The following CFAP47 variants were observed in gnomAD, a reference collection of about 807,000 sequenced individuals.
CFAP47 encodes cilia- and flagella-associated protein 47.
CFAP47 carries 29 observed loss-of-function variants against 148.1 expected under a neutral mutation model. That is an observed-to-expected ratio of 0.20 (90% CI 0.15 to 0.27). The LOEUF is 0.27. Among genes scored for constraint, CFAP47 ranks in the 10% least tolerant of loss-of-function variants. The pLI is 1.00. For missense variants in CFAP47, 1,872 were observed against 1,697.5 expected, an observed-to-expected ratio of 1.10 and a Z score of -1.81; for synonymous variants, 664 against 577.3, an observed-to-expected ratio of 1.15 and a Z score of -2.15.
chrX:35,954,346 T>A (rs1461983031), intron 7 of CFAP47, among the ~76,000 whole-genome samples: 1 of 111,016 alleles, frequency 9.0e-6, no homozygotes, highest in East Asian at 2.8e-4. Flanking sequence ...AGGAATCAAA[T>A]CCAGGAAAAT....
intron 2 of CFAP47, among the ~76,000 whole-genome samples, chrX:35,940,805 A>T (rs915976211): frequency 9.0e-5 from 10 of 111,667 alleles, no homozygotes; most frequent in Non-Finnish European, 1.9e-4. Context: ...ATGTAACCTT[A>T]TATGGTTTGT....
intron 59 of CFAP47, among the ~76,000 whole-genome samples, chrX:36,352,301 TC>T (rs1941748957): frequency 1.8e-5 from 2 of 111,498 alleles, no homozygotes; most frequent in Admixed American, 1.9e-4. Flanking sequence ...GTACAGTTTT[TC>T]CTAGCCATTT....
At chrX:35,951,713 T>C in intron 5 of CFAP47, 90 bp from the exon 6 acceptor site, 1 of 919,337 alleles carries the variant, frequency 1.1e-6, no homozygotes, top group Non-Finnish European at 1.4e-6. Context: ...TTTCCTAGAT[T>C]CTGGAATTTC....
chrX:35,926,404 A>G (rs1356848699), intron 2 of CFAP47, among the ~76,000 whole-genome samples: 1 of 112,211 alleles, frequency 8.9e-6, no homozygotes, highest in Non-Finnish European at 1.9e-5. Flanking sequence ...GCAAACTTGT[A>G]TTCACATTTT....
intron 46 of CFAP47, among the ~76,000 whole-genome samples, chrX:36,235,055 G>A (rs1419764061): frequency 1.8e-5 from 2 of 111,497 alleles, no homozygotes; most frequent in Admixed American, 1.9e-4. Flanking sequence ...TAGGCTGCTC[G>A]GGGGTCAGGG....
rs72358564 is a variant in CFAP47, at chrX:35,923,917, ATG to A, written c.250-2098_250-2097del. ...TGTGTATATATGTACATGTGTATAT[ATG>A]TACATATATATGTGTATATATGTAC... On this transcript the variant is annotated intron_variant, in intron 1 of 63. Transcript: ENST00000378653. 2.1e-4 allele frequency among the ~76,000 whole-genome samples: 20 copies of A among 95,381 alleles called. No individual in the cohort carries two copies. In the South Asian group the frequency reaches 2.5e-3, roughly 12 times the overall value. The allele number at this position is 95,381 out of a possible 115,157, so 82.8% of individuals were successfully genotyped here. A position where few individuals can be genotyped will look rare whatever the true frequency, so the allele number is the denominator to read the frequency against.
intron 45 of CFAP47, among the ~76,000 whole-genome samples, chrX:36,220,766 G>A (rs782287417): frequency 2.7e-5 from 3 of 111,383 alleles, no homozygotes; most frequent in East Asian, 2.8e-4. Flanking sequence ...AAATTTACAC[G>A]TAGATAGATA....
chrX:35,997,901 T>G (rs1936867335), intron 19 of CFAP47, among the ~76,000 whole-genome samples: 1 of 111,720 alleles, frequency 9.0e-6, no homozygotes, highest in Non-Finnish European at 1.9e-5. Context: ...GTAGACATAC[T>G]ATAATTTACA....
intron 24 of CFAP47, among the ~76,000 whole-genome samples, chrX:36,037,261 T>C (rs1937348678): frequency 8.9e-6 from 1 of 111,798 alleles, no homozygotes; most frequent in African/African-American, 3.3e-5. Flanking sequence ...ACATTTCCAT[T>C]TGACTTTTCT....
intron 57 of CFAP47, among the ~76,000 whole-genome samples, chrX:36,324,273 T>A (rs1941500529): frequency 9.0e-6 from 1 of 111,684 alleles, no homozygotes; most frequent in Non-Finnish European, 1.9e-5. Flanking sequence ...ATTAAACTTG[T>A]GGAAATACAT....
chrX:36,027,096 ATGATTATATATATG>A (rs1453988750), intron 22 of CFAP47, among the ~76,000 whole-genome samples: 1 of 103,627 alleles, frequency 9.6e-6, no homozygotes, highest in Non-Finnish European at 1.9e-5. Context: ...ATATATATAT[ATGATTATATATATG>A]TGATTATATA....
At chrX:36,100,739 A>C (rs940930747) in intron 32 of CFAP47, among the ~76,000 whole-genome samples, 2 of 112,040 alleles carry the variant, frequency 1.8e-5, no homozygotes, top group Non-Finnish European at 3.8e-5. Flanking sequence ...AGTGAGTAGT[A>C]TGTGTAAGAC....
chrX:36,317,673 C>A (rs990361703), intron 56 of CFAP47, among the ~76,000 whole-genome samples: 3 of 109,504 alleles, frequency 2.7e-5, no homozygotes, highest in Non-Finnish European at 3.8e-5. Context: ...CCACCTCGGC[C>A]TCCCAAAGTG....
chrX:36,374,018 G>GT (rs1189959701), intron 62 of CFAP47, among the ~76,000 whole-genome samples: 12 of 109,956 alleles, frequency 1.1e-4, no homozygotes, highest in Non-Finnish European at 1.7e-4. Context: ...TTGGTCTGTA[G>GT]TTTTTTTTTC....
chrX:36,332,810 G>A (rs941346672), intron 57 of CFAP47, among the ~76,000 whole-genome samples: 2 of 111,938 alleles, frequency 1.8e-5, no homozygotes, highest in African/African-American at 6.5e-5. Flanking sequence ...TTTTGCAACC[G>A]AGTACTCAAT....
At chrX:35,939,083 G>A (rs188528893) in intron 2 of CFAP47, among the ~76,000 whole-genome samples, 1 of 110,921 alleles carries the variant, frequency 9.0e-6, no homozygotes. Flanking sequence ...AACAAAATAT[G>A]CATAGACCTC....
intron 33 of CFAP47, among the ~76,000 whole-genome samples, chrX:36,129,985 A>G (rs1217647982): frequency 9.0e-6 from 1 of 111,648 alleles, no homozygotes; most frequent in African/African-American, 3.2e-5. Context: ...ACATTAAAAG[A>G]TGTTCAGCAT....
At chrX:36,054,133 A>T (rs1027459453) in intron 26 of CFAP47, among the ~76,000 whole-genome samples, 1 of 112,000 alleles carries the variant, frequency 8.9e-6, no homozygotes, top group Non-Finnish European at 1.9e-5. Context: ...GAACTCCTAG[A>T]AGGTGGATGC....
chrX:35,949,279 C>T (rs1936130446), intron 4 of CFAP47, among the ~76,000 whole-genome samples: 1 of 110,187 alleles, frequency 9.1e-6, no homozygotes, highest in Non-Finnish European at 1.9e-5. Context: ...ATTGTGAAGG[C>T]TATGAAGTCT....
Sources: gnomAD v4.1 joint callset for allele counts (sites outside exome capture counted in the v4.1 genomes callset) on GRCh38, gnomAD v4.1.1 for gene constraint, MANE v1.5 for transcripts, NCBI Gene and HGNC (gene_info 2026-07-23, HGNC 2026-07-21) for gene names.